Variants in OR2V1 observed in about 807,000 individuals in gnomAD.
The protein encoded by OR2V1 is olfactory receptor 2V1.
Under a neutral mutation model 15.0 loss-of-function variants are expected in OR2V1, and 18 were observed. The observed-to-expected ratio is 1.20, with a 90% confidence interval of 0.83 to 1.78. The LOEUF (loss-of-function observed/expected upper bound fraction) is 1.78, where lower values mean the gene tolerates loss of function less well. Among genes scored for constraint, OR2V1 ranks in the 40% most tolerant of loss-of-function variants. The pLI is 0.00. For synonymous variants in OR2V1, 144 were observed against 146.1 expected (o/e 0.99, Z 0.10); for missense variants, 359 against 392.9 (o/e 0.91, Z 0.73).
chr5:181,128,905 T>C (rs149539634), intron 3 of OR2V1, among the ~76,000 whole-genome samples: 1 of 152,260 alleles, frequency 6.6e-6, no homozygotes, highest in African/African-American at 2.4e-5. Flanking sequence ...ACATCTGTTA[T>C]GAGCTCAGTC....
Position 181,124,725 on chromosome 5 carries a change from A to T in OR2V1, c.580T>A (p.Ser194Thr). Residue 194 changes from serine to threonine, a missense_variant, in exon 4 of 4, where the codon TCC (serine) becomes ACC (threonine). By Grantham distance (58) the Ser-to-Thr change is moderately conservative. Coordinates refer to ENST00000641551, the MANE Select transcript of OR2V1 (RefSeq NM_001258283.2). ...ALLKLACADT[S>T]LFDTLLFACC... Reference sequence around the variant, plus strand: ...GCAAAGAGGAGGGTGTCAAAAAGGGAAGTGTCTGCACAGGCCAGCTTCAAT... The same window carrying T: ...GCAAAGAGGAGGGTGTCAAAAAGGGTAGTGTCTGCACAGGCCAGCTTCAAT... The T allele has an allele frequency of 6.2e-7, 1 of 1,611,100 alleles. No homozygotes were observed. The highest frequency in any genetic ancestry group is 1.1e-5 in the South Asian group (1 of 91,050).
chr5:181,125,683 T>A (rs1762863819), intron 3 of OR2V1, among the ~76,000 whole-genome samples: 1 of 152,180 alleles, frequency 6.6e-6, no homozygotes, highest in Non-Finnish European at 1.5e-5. Flanking sequence ...TCATTACATG[T>A]GTTACAAAAA....
chr5:181,127,698 C>T lies in OR2V1; in HGVS notation c.-22+1822G>A, dbSNP rs17080813. Among the ~76,000 whole-genome samples, 117 of 152,052 alleles carry T rather than the reference C, an allele frequency of 7.7e-4. 2 individuals are homozygous for T. In the East Asian group the frequency reaches 0.016, roughly 20 times the overall value. On this transcript the variant is annotated intron_variant, in intron 3 of 3. Transcript: ENST00000641551. Reference sequence around the variant, plus strand: ...TTCCCGGGGTCCTTGCCACTGATGACCCCTGGAGTGATGTGGAGGGGATTT... The same window carrying T: ...TTCCCGGGGTCCTTGCCACTGATGATCCCTGGAGTGATGTGGAGGGGATTT...
chr5:181,124,995 AG>A lies in OR2V1; in HGVS notation c.309del (p.Phe105LeufsTer33), dbSNP rs1193528503. 6.2e-7 allele frequency: 1 copy of A among 1,614,178 alleles called. No individual in the cohort carries two copies. The highest frequency in any genetic ancestry group is 2.2e-5 in the East Asian group (1 of 44,886). On this transcript the variant is annotated frameshift_variant, in exon 4 of 4. Coordinates refer to ENST00000641551, the MANE Select transcript of OR2V1 (RefSeq NM_001258283.2). LOFTEE classifies it high-confidence loss of function. Reference sequence around the variant, plus strand: ...TCAGATCCCACAAGAGAGACAAAAAAGCCAATTTGTATGCCACAGCCCACAA... The same window carrying A: ...TCAGATCCCACAAGAGAGACAAAAAACCAATTTGTATGCCACAGCCCACAA... ...ISFVGCGIQIGFFVSLVGSEG... is the reference protein window; with the variant it reads ...ISFVGCGIQIXFFVSLVGSEG...
rs1185697916 is a variant in OR2V1 at position 181,124,691 on chromosome 5, A to C, written c.614T>G (p.Val205Gly). 6.2e-7 allele frequency: 1 copy of C among 1,613,010 alleles called. No homozygotes were observed. Among genetic ancestry groups the C allele is most frequent in the Admixed American group, 1.7e-5 (1 of 60,014 alleles). Residue 205 changes from valine to glycine, a missense_variant, in exon 4 of 4, where the codon GTC becomes GGC. Transcript: ENST00000641551. The stretch of plus-strand genomic sequence containing the variant: ...GGAGAAGGGAAGGAGAAGCATGAAG[A>C]CACAGCAAGCAAAGAGGAGGGTGTC... ...LFDTLLFACC[V>G]FMLLLPFSII...
chr5:181,126,147 G>A (rs1762868124), intron 3 of OR2V1, among the ~76,000 whole-genome samples: 1 of 152,072 alleles, frequency 6.6e-6, no homozygotes, highest in Non-Finnish European at 1.5e-5. Flanking sequence ...TACCCTCAGT[G>A]TTTCTCAGAA....
chr5:181,126,823 C>T (rs905097534), intron 3 of OR2V1, among the ~76,000 whole-genome samples: 5 of 152,174 alleles, frequency 3.3e-5, no homozygotes, highest in South Asian at 2.1e-4. Context: ...CATGGACACA[C>T]GGAAATACAC....
In OR2V1 at chr5:181,128,192, TCACACACACACACACACA is replaced by T. The variant is rs34343246; in HGVS notation, c.-22+1310_-22+1327del. On this transcript the variant is annotated intron_variant, in intron 3 of 3. Transcript: ENST00000641551. Reference sequence around the variant, plus strand: ...ATCATCCTGGACTCCTGTCCTCTCCTCACACACACACACACACACACACACACACGCCCCAAACATCAG... The same window carrying T: ...ATCATCCTGGACTCCTGTCCTCTCCTCACACACACACGCCCCAAACATCAG... Among the ~76,000 whole-genome samples the T allele has an allele frequency of 7.2e-5, 3 of 41,428 alleles. No individual in the cohort carries two copies. The Admixed American group carries it at 8.5e-4, about 12-fold the overall frequency. 27.2% of individuals were successfully genotyped at this position (41,428 alleles called of 152,430 possible). A position where few individuals can be genotyped will look rare whatever the true frequency, so the allele number is the denominator to read the frequency against.
In OR2V1 at chr5:181,124,743, G is replaced by A. The variant is rs1762849862; in HGVS notation, c.562C>T (p.Leu188=). The A allele has an allele frequency of 1.2e-6, 2 of 1,608,704 alleles. No individual in the cohort carries two copies. Among genetic ancestry groups the A allele is most frequent in the South Asian group, 1.1e-5 (1 of 90,882 alleles). The change falls in exon 4 of 4, where the codon CTG becomes TTG. Residue 188 remains leucine (L), a synonymous_variant. Coordinates refer to ENST00000641551, the MANE Select transcript of OR2V1 (RefSeq NM_001258283.2). ...AAAAGGGAAGTGTCTGCACAGGCCA[G>A]CTTCAATAAAGCTTGTACCTCACAG... ...FFCEVQALLK[L]ACADTSLFDT...
chr5:181,126,375 T>C (rs1200267336), intron 3 of OR2V1, among the ~76,000 whole-genome samples: 1 of 151,366 alleles, frequency 6.6e-6, no homozygotes. Flanking sequence ...TTACTCCAAA[T>C]AAAGCCCAGT....
At chr5:181,125,448 G>T in intron 3 of OR2V1, 123 bp from the exon 4 acceptor site, 1 of 704,090 alleles carries the variant, frequency 1.4e-6, no homozygotes, top group Non-Finnish European at 2.3e-6. Context: ...TGACACAGGT[G>T]ACAGGACCTC....
chr5:181,128,272 C>CA (rs911550950), intron 3 of OR2V1, among the ~76,000 whole-genome samples: 29 of 151,762 alleles, frequency 1.9e-4, no homozygotes, highest in African/African-American at 6.8e-4. Flanking sequence ...ACATACCCCC[C>CA]AGCCAGCACG....
At chr5:181,128,425 A>G (rs990914359) in intron 3 of OR2V1, among the ~76,000 whole-genome samples, 1 of 152,160 alleles carries the variant, frequency 6.6e-6, no homozygotes, top group African/African-American at 2.4e-5. Flanking sequence ...CCTGGGGTGG[A>G]CCCATCTCTG....
chr5:181,124,891 A>G lies in OR2V1; in HGVS notation c.414T>C (p.Asn138=), dbSNP rs755309808. The G allele has an allele frequency of 1.1e-5, 18 of 1,613,094 alleles. No individual in the cohort carries two copies. In the African/African-American group the frequency reaches 1.9e-4, roughly 17 times the overall value. Residue 138 remains asparagine, a synonymous_variant, in exon 4 of 4, where the codon AAT becomes AAC. Transcript: ENST00000641551. ...SHPLHYPILM[N]QRVCLQITGS... ...CAGTAATCTGGAGACAGACCCTCTGATTCATGAGGATGGGATAGTGAAGTG... is the reference window on the plus strand; with the variant it reads ...CAGTAATCTGGAGACAGACCCTCTGGTTCATGAGGATGGGATAGTGAAGTG...
chr5:181,130,667 C>T (rs538315023), intron 1 of OR2V1: 1 of 161,210 alleles, frequency 6.2e-6, no homozygotes, highest in Non-Finnish European at 1.3e-5. Flanking sequence ...AAGAGGTGCT[C>T]CCAAGATTAC....
At chr5:181,127,658 A>G (rs11950101) in intron 3 of OR2V1, among the ~76,000 whole-genome samples, 100,065 of 151,894 alleles carry the variant, frequency 0.66, 33,808 homozygotes, top group African/African-American at 0.81. Flanking sequence ...GTCCTGGTTC[A>G]TGCCCAGGAG....
chr5:181,130,296 C>T (rs4099194), intron 1 of OR2V1, 81 bp from the exon 2 acceptor site: 214,325 of 386,364 alleles, frequency 0.55, 56,795 homozygotes, highest in South Asian at 0.63. Flanking sequence ...CAGGAGGAGC[C>T]GCAGCCCCAA....
chr5:181,124,534 C>T lies in OR2V1; in HGVS notation c.771G>A (p.Met257Ile). 1.2e-6 allele frequency: 2 copies of T among 1,613,346 alleles called. No individual in the cohort carries two copies. Among genetic ancestry groups the T allele is most frequent in the Non-Finnish European group, 1.7e-6 (2 of 1,179,662 alleles). Residue 257 changes from methionine (M) to isoleucine (I), a missense_variant, in exon 4 of 4, where the codon ATG (methionine) becomes ATA (isoleucine). By Grantham distance (10) the Met-to-Ile change is conservative. Transcript: ENST00000641551. The stretch of plus-strand genomic sequence containing the variant: ...AGCGCCTAGGCCTCAGGTACATGAA[C>T]ATGGCTGCCCCATAGAAGAGGGTGA... ...TAVTLFYGAA[M>I]FMYLRPRRYR...
At chr5:181,125,696 A>C (rs57734922) in intron 3 of OR2V1, among the ~76,000 whole-genome samples, 4,394 of 152,302 alleles carry the variant, frequency 0.029, 197 homozygotes, top group African/African-American at 0.099. Flanking sequence ...TACAAAAAGG[A>C]AAGATCAAGC....
Sources: allele counts gnomAD v4.1 joint callset (sites outside exome capture counted in the v4.1 genomes callset), GRCh38; gene constraint gnomAD v4.1.1; transcripts MANE v1.5; gene names NCBI Gene and HGNC (gene_info 2026-07-23, HGNC 2026-07-21).